Variants in KCNIP4 observed in about 807,000 individuals in gnomAD.
KCNIP4 encodes the protein Kv channel-interacting protein 4.
KCNIP4 carries 12 observed loss-of-function variants against 34.0 expected under a neutral mutation model. The observed-to-expected ratio is 0.35, with a 90% CI of 0.23 to 0.57. The LOEUF (loss-of-function observed/expected upper bound fraction) is 0.57. KCNIP4 is among the 20% of genes least tolerant of loss of function. The pLI is 0.83. For synonymous variants in KCNIP4, 124 were observed against 102.2 expected (o/e 1.21, Z -1.29); for missense variants, 238 against 311.7 (o/e 0.76, Z 1.78).
At chr4:21,649,294 G>A (rs1281200639) in intron 1 of KCNIP4, among the ~76,000 whole-genome samples, 4 of 152,174 alleles carry the variant, frequency 2.6e-5, no homozygotes, top group Non-Finnish European at 5.9e-5. Flanking sequence ...TCATGTGAAT[G>A]ACAAGTAGAT....
At chr4:21,584,608 A>T (rs917837952) in intron 1 of KCNIP4, among the ~76,000 whole-genome samples, 1 of 152,086 alleles carries the variant, frequency 6.6e-6, no homozygotes, top group African/African-American at 2.4e-5. Flanking sequence ...AAAATAACCA[A>T]TTAGCTGGCA....
At chr4:21,481,530 C>T (rs1731427693) in intron 1 of KCNIP4, among the ~76,000 whole-genome samples, 1 of 152,158 alleles carries the variant, frequency 6.6e-6, no homozygotes, top group South Asian at 2.1e-4. Flanking sequence ...TTATCCATGT[C>T]TAACAGATGT....
chr4:21,893,179 CTG>C (rs1009893714), intron 1 of KCNIP4, among the ~76,000 whole-genome samples: 1 of 151,950 alleles, frequency 6.6e-6, no homozygotes, highest in Non-Finnish European at 1.5e-5. Context: ...GTGTGTGTGT[CTG>C]TGTGTGTATG....
chr4:21,684,525 G>C (rs551335734), intron 1 of KCNIP4, among the ~76,000 whole-genome samples: 1 of 152,094 alleles, frequency 6.6e-6, no homozygotes, highest in Non-Finnish European at 1.5e-5. Context: ...ATAATTTAAA[G>C]AATGAGTAGG....
At chr4:21,786,093 C>T (rs551322183) in intron 1 of KCNIP4, among the ~76,000 whole-genome samples, 247 of 152,284 alleles carry the variant, frequency 1.6e-3, no homozygotes, top group Middle Eastern at 3.4e-3. Flanking sequence ...GGACTACAGG[C>T]GTGCGCCACC....
intron 1 of KCNIP4, among the ~76,000 whole-genome samples, chr4:21,878,418 C>A (rs1207855338): frequency 6.6e-6 from 1 of 152,138 alleles, no homozygotes; most frequent in Non-Finnish European, 1.5e-5. Flanking sequence ...CTGATCAACA[C>A]TTTCTGCATA....
At chr4:21,870,617 C>G (rs1725731460) in intron 1 of KCNIP4, among the ~76,000 whole-genome samples, 1 of 152,236 alleles carries the variant, frequency 6.6e-6, no homozygotes, top group South Asian at 2.1e-4. Context: ...AAGGCACTAT[C>G]TGCCATCTCT....
intron 1 of KCNIP4, among the ~76,000 whole-genome samples, chr4:21,615,678 T>G (rs189153055): frequency 6.6e-6 from 1 of 152,300 alleles, no homozygotes; most frequent in East Asian, 1.9e-4. Context: ...AAATGGAAGC[T>G]ATTCCTGCCC....
intron 1 of KCNIP4, among the ~76,000 whole-genome samples, chr4:21,768,251 C>T (rs886736264): frequency 6.6e-6 from 1 of 152,056 alleles, no homozygotes; most frequent in Non-Finnish European, 1.5e-5. Context: ...ATCATCAATT[C>T]TATATTGATA....
chr4:21,712,575 T>C (rs1253964672), intron 1 of KCNIP4, among the ~76,000 whole-genome samples: 2 of 152,116 alleles, frequency 1.3e-5, no homozygotes, highest in African/African-American at 4.8e-5. Flanking sequence ...TCTTAAGAAA[T>C]GTCACCTCTC....
At chr4:21,151,336 T>G (rs1392579044) in intron 1 of KCNIP4, among the ~76,000 whole-genome samples, 1 of 151,412 alleles carries the variant, frequency 6.6e-6, no homozygotes, top group East Asian at 1.9e-4. Context: ...CATCAGGCCT[T>G]TACCTCCCTT....
At chr4:21,045,334 G>A (rs1222829960) in intron 1 of KCNIP4, among the ~76,000 whole-genome samples, 5 of 152,322 alleles carry the variant, frequency 3.3e-5, no homozygotes, top group Admixed American at 3.3e-4. Context: ...CTAATATTCT[G>A]CATTTCTAAC....
chr4:21,036,022 A>C (rs946659790), intron 1 of KCNIP4, among the ~76,000 whole-genome samples: 4 of 152,110 alleles, frequency 2.6e-5, no homozygotes, highest in Non-Finnish European at 4.4e-5. Flanking sequence ...CTGCAGGATC[A>C]CTCTGAGACT....
At chr4:20,923,365 T>C (rs1420021085) in intron 1 of KCNIP4, among the ~76,000 whole-genome samples, 4 of 152,182 alleles carry the variant, frequency 2.6e-5, no homozygotes, top group African/African-American at 9.6e-5. Flanking sequence ...TTCACACCAT[T>C]CCTAACATTT....
chr4:21,653,489 A>G lies in KCNIP4; in HGVS notation c.61+295082T>C, dbSNP rs557820669. ...AATATGCTCTCAATTGTGCATGTACATAATCGTGGGTATACAAACACATAC... is the reference window on the plus strand; with the variant it reads ...AATATGCTCTCAATTGTGCATGTACGTAATCGTGGGTATACAAACACATAC... On this transcript the variant is annotated intron_variant, in intron 1 of 8. Coordinates refer to ENST00000382152, the MANE Select transcript of KCNIP4 (RefSeq NM_025221.6). Among the ~76,000 whole-genome samples the G allele has an allele frequency of 8.8e-4, 134 of 152,348 alleles. 1 individual carries two copies. Among genetic ancestry groups the G allele is most frequent in the Middle Eastern group, 6.8e-3 (2 of 294 alleles).
At chr4:21,911,494 T>C (rs1180380664) in intron 1 of KCNIP4, among the ~76,000 whole-genome samples, 3 of 143,818 alleles carry the variant, frequency 2.1e-5, no homozygotes, top group Non-Finnish European at 4.5e-5. Flanking sequence ...ACTCCAATCC[T>C]GAGAGGCGCT....
intron 2 of KCNIP4, among the ~76,000 whole-genome samples, chr4:20,881,397 A>G (rs1724668049): frequency 6.6e-6 from 1 of 152,294 alleles, no homozygotes; most frequent in South Asian, 2.1e-4. Flanking sequence ...GAGTAGGTGG[A>G]GCTGTGGGTT....
chr4:21,177,306 T>C (rs1304524893), intron 1 of KCNIP4, among the ~76,000 whole-genome samples: 1 of 151,990 alleles, frequency 6.6e-6, no homozygotes, highest in African/African-American at 2.4e-5. Flanking sequence ...CTTTTTGGAG[T>C]TTTAATTCAA....
chr4:20,963,292 A>C (rs1577445146), intron 1 of KCNIP4, among the ~76,000 whole-genome samples: 1 of 151,890 alleles, frequency 6.6e-6, no homozygotes, highest in African/African-American at 2.4e-5. Flanking sequence ...GCACCACTGC[A>C]CTCCAGCCTG....
Sources: gnomAD v4.1 joint callset for allele counts (sites outside exome capture counted in the v4.1 genomes callset) on GRCh38, gnomAD v4.1.1 for gene constraint, MANE v1.5 for transcripts, NCBI Gene and HGNC (gene_info 2026-07-23, HGNC 2026-07-21) for gene names.